MBTPS2: variants seen among roughly 807,000 people sequenced by gnomAD.
MBTPS2 encodes membrane bound transcription factor peptidase, site 2.
In MBTPS2, 2 loss-of-function variants were observed where a neutral mutation model predicts 35.4. That is an observed-to-expected ratio of 0.06 (90% CI 0.02 to 0.18). MBTPS2 has a LOEUF of 0.18. Among genes scored for constraint, MBTPS2 ranks in the 10% least tolerant of loss-of-function variants. The pLI is 1.00. For synonymous variants in MBTPS2, 125 were observed against 140.4 expected (o/e 0.89, Z 0.77); for missense variants, 244 against 386.5 (o/e 0.63, Z 3.09).
In MBTPS2 at chrX:21,883,323, T is replaced by C; in HGVS notation, c.*668T>C. ...TTTGCCCCACAAGAGTTGCATCTTT[T>C]ATAAGGTGTCTCTGCCCCCTCATAA... On this transcript the variant is annotated 3_prime_UTR_variant, in exon 11 of 11. Transcript: ENST00000379484. The C allele has an allele frequency of 4.0e-6, 3 of 755,831 alleles. No homozygotes were observed. The highest frequency in any genetic ancestry group is 4.7e-6 in the Non-Finnish European group (3 of 640,416). 62.3% of individuals were successfully genotyped at this position (755,831 alleles called of 1,213,427 possible).
chrX:21,869,458 C>G, intron 6 of MBTPS2, 40 bp from the exon 7 acceptor site: 3 of 1,044,902 alleles, frequency 2.9e-6, no homozygotes, highest in Non-Finnish European at 4.0e-6. Flanking sequence ...TATAGCTTGT[C>G]TTCATGCATT....
chrX:21,869,295 C>G (rs1326947337), intron 6 of MBTPS2, among the ~76,000 whole-genome samples: 2 of 111,916 alleles, frequency 1.8e-5, no homozygotes, highest in Non-Finnish European at 3.8e-5. Context: ...GTGAAAAATT[C>G]AAAATCTTGG....
intron 5 of MBTPS2, among the ~76,000 whole-genome samples, chrX:21,860,040 C>T (rs1305005090): frequency 4.1e-4 from 44 of 106,309 alleles, no homozygotes; most frequent in Non-Finnish European, 7.6e-4. Flanking sequence ...TGCGGTGAGC[C>T]GTGATCGAGC....
rs966382200 is a variant in MBTPS2 at position 21,884,885 on chromosome X, G to A, written c.*2230G>A. 19 of 744,927 alleles carry A rather than the reference G, an allele frequency of 2.6e-5. No homozygotes were observed. In the African/African-American group the frequency reaches 4.2e-4, roughly 16 times the overall value. The allele number at this position is 744,927 out of a possible 1,213,427, so 61.4% of individuals were successfully genotyped here. A position where few individuals can be genotyped will look rare whatever the true frequency, so the allele number is the denominator to read the frequency against. On this transcript the variant is annotated 3_prime_UTR_variant, in exon 11 of 11. Transcript: ENST00000379484. ...ATATGTTCACATAAAAAAATAACTTGGAGGGTCTTTGTGTCCCTGGCATAT... is the reference window on the plus strand; with the variant it reads ...ATATGTTCACATAAAAAAATAACTTAGAGGGTCTTTGTGTCCCTGGCATAT...
At chrX:21,862,784 C>T (rs1298313578) in intron 5 of MBTPS2, among the ~76,000 whole-genome samples, 37 of 101,648 alleles carry the variant, frequency 3.6e-4, no homozygotes, top group Non-Finnish European at 6.4e-4. Context: ...GCACTCCAGC[C>T]TGGGCGACAG....
At chrX:21,880,831 G>T in intron 9 of MBTPS2, 66 bp from the exon 10 acceptor site, 1 of 784,642 alleles carries the variant, frequency 1.3e-6, no homozygotes, top group Admixed American at 2.2e-5. Flanking sequence ...CCATATGGTA[G>T]AATTCATAAT....
chrX:21,846,035 G>A (rs762178632), intron 3 of MBTPS2, among the ~76,000 whole-genome samples: 1 of 111,582 alleles, frequency 9.0e-6, no homozygotes, highest in African/African-American at 3.3e-5. Context: ...CTTATTAATG[G>A]AGTAGACTAA....
Position 21,845,292 on chromosome X carries a change from T to C in MBTPS2, c.346T>C (p.Ser116Pro). Residue 116 changes from serine to proline, a missense_variant, in exon 3 of 11, where the codon TCC (serine) becomes CCC (proline). Transcript: ENST00000379484. The part of the protein sequence containing the change: ...MADSPSSYSS[S>P]SSSSSSSSSS... The stretch of plus-strand genomic sequence containing the variant: ...TGACTCTCCCTCTTCTTATTCTTCC[T>C]CCTCTTCTTCCTCTTCCTCCTCTTC... 8.4e-7 allele frequency: 1 copy of C among 1,192,504 alleles called. No homozygotes were observed. The highest frequency in any genetic ancestry group is 1.1e-6 in the Non-Finnish European group (1 of 878,563).
Position 21,882,973 on chromosome X carries a change from G to A in MBTPS2, c.*318G>A. On this transcript the variant is annotated 3_prime_UTR_variant, in exon 11 of 11. Coordinates refer to ENST00000379484, the MANE Select transcript of MBTPS2 (RefSeq NM_015884.4). ...TCTGATTACATATTGTGTTGAAATA[G>A]TATAAAGGAGAACAGAACTGGGTGG... The A allele has an allele frequency of 5.5e-6, 5 of 905,734 alleles. No individual in the cohort carries two copies. The highest frequency in any genetic ancestry group is 5.5e-6 in the Non-Finnish European group (4 of 732,389). The allele number at this position is 905,734 out of a possible 1,213,427, so 74.6% of individuals were successfully genotyped here. A position where few individuals can be genotyped will look rare whatever the true frequency, so the allele number is the denominator to read the frequency against.
At chrX:21,882,348 T>C in intron 10 of MBTPS2, 85 bp from the exon 11 acceptor site, 2 of 699,430 alleles carry the variant, frequency 2.9e-6, no homozygotes, top group Non-Finnish European at 4.6e-6. Context: ...TCTAATTCAG[T>C]CACAGTAAAA....
At position 21,869,698 on chromosome X, in the gene MBTPS2, A is replaced by T; in HGVS notation, c.970+20A>T. ...TTAGAGGTGTGTATATTTCCTCAAT[A>T]TAATATAATGCTTCAAGCACCAGTA... On this transcript the variant is annotated intron_variant, in intron 7 of 10. Transcript: ENST00000379484. The T allele has an allele frequency of 8.9e-7, 1 of 1,124,589 alleles. No homozygotes were observed. The highest frequency in any genetic ancestry group is 1.8e-5 in the African/African-American group (1 of 56,271). The allele number at this position is 1,124,589 out of a possible 1,213,427, so 92.7% of individuals were successfully genotyped here.
In MBTPS2 at chrX:21,878,090, T is replaced by A; in HGVS notation, c.1019T>A (p.Leu340His). The A allele has an allele frequency of 8.3e-7, 1 of 1,209,372 alleles. No homozygotes were observed. The change falls in exon 8 of 11, where the codon CTC becomes CAC. Residue 340 changes from leucine to histidine, a missense_variant. Coordinates refer to ENST00000379484, the MANE Select transcript of MBTPS2 (RefSeq NM_015884.4). ...GSTECCNNHS[L>H]TDVCFSYRNN... ...ACTGAATGCTGTAACAATCACAGCC[T>A]CACAGATGTGTGCTTTTCCTACAGA...
intron 8 of MBTPS2, 148 bp from the exon 9 acceptor site, chrX:21,878,349 C>A: frequency 1.9e-6 from 1 of 522,001 alleles, no homozygotes; most frequent in Non-Finnish European, 3.2e-6. Flanking sequence ...GTACTTGAAT[C>A]TATTTTATAG....
At chrX:21,867,654 C>G (rs1273854501) in intron 5 of MBTPS2, among the ~76,000 whole-genome samples, 1 of 90,830 alleles carries the variant, frequency 1.1e-5, no homozygotes. Context: ...TTTTTTGAGA[C>G]GGAGTCCTGC....
intron 5 of MBTPS2, among the ~76,000 whole-genome samples, chrX:21,867,924 C>T (rs868046433): frequency 9.0e-6 from 1 of 111,687 alleles, no homozygotes; most frequent in Non-Finnish European, 1.9e-5. Context: ...CAGGCGTGAG[C>T]CACCGTGCCT....
chrX:21,881,075 C>T, intron 10 of MBTPS2, 103 bp downstream of exon 10: 2 of 585,077 alleles, frequency 3.4e-6, no homozygotes, highest in Non-Finnish European at 6.0e-6. Flanking sequence ...ACAAGTATCA[C>T]TTAATTGCTA....
At chrX:21,844,329 A>G (rs757828636) in intron 2 of MBTPS2, among the ~76,000 whole-genome samples, 151 of 110,170 alleles carry the variant, frequency 1.4e-3, no homozygotes, top group African/African-American at 4.8e-3. Flanking sequence ...CCTGGGTAAC[A>G]TGGCGAAACC....
chrX:21,870,069 C>T, intron 7 of MBTPS2: 2 of 131,302 alleles, frequency 1.5e-5, no homozygotes, highest in Non-Finnish European at 3.1e-5. Flanking sequence ...AGTGAAACCC[C>T]ATCTCTACTA....
chrX:21,876,337 G>C (rs1201829049), intron 7 of MBTPS2, among the ~76,000 whole-genome samples: 1 of 111,540 alleles, frequency 9.0e-6, no homozygotes, highest in Non-Finnish European at 1.9e-5. Flanking sequence ...GCCCAGGTGG[G>C]TGGATCACTT....
Sources: allele counts gnomAD v4.1 joint callset (sites outside exome capture counted in the v4.1 genomes callset), GRCh38; gene constraint gnomAD v4.1.1; transcripts MANE v1.5; gene names NCBI Gene and HGNC (gene_info 2026-07-23, HGNC 2026-07-21).